PABPC4L: variants seen among roughly 807,000 people sequenced by gnomAD.
PABPC4L encodes the protein polyadenylate-binding protein 4-like.
For synonymous variants in PABPC4L, 169 were observed against 164.1 expected (o/e 1.03, Z -0.23); for missense variants, 452 against 451.4 (o/e 1.00, Z -0.01).
At chr4:134,186,769 G>A in the PABPC4L span, among the ~76,000 whole-genome samples, 2 of 152,042 alleles carry the variant, frequency 1.3e-5, no homozygotes, top group Admixed American at 1.3e-4. Context: ...TACAGAATGG[G>A]AAAAAATTTT....
chr4:133,950,146 G>A, the PABPC4L span, among the ~76,000 whole-genome samples: 3 of 152,120 alleles, frequency 2.0e-5, no homozygotes, highest in African/African-American at 7.2e-5. Context: ...GCATCCTCGA[G>A]TTTAACTGGC....
the PABPC4L span, among the ~76,000 whole-genome samples, chr4:134,136,762 T>A: frequency 6.6e-6 from 1 of 152,092 alleles, no homozygotes. Flanking sequence ...TGACAGTGAT[T>A]AGATTTTTAG....
the PABPC4L span, among the ~76,000 whole-genome samples, chr4:134,001,013 C>T: frequency 2.0e-5 from 3 of 151,950 alleles, no homozygotes; most frequent in Admixed American, 6.6e-5. Flanking sequence ...CCAATTTGTT[C>T]TATTACTTTG....
At chr4:134,149,474 G>A in the PABPC4L span, among the ~76,000 whole-genome samples, 1 of 152,080 alleles carries the variant, frequency 6.6e-6, no homozygotes. Context: ...TTTACTAATC[G>A]TTGCCCATTG....
the PABPC4L span, among the ~76,000 whole-genome samples, chr4:134,041,598 G>A: frequency 6.6e-6 from 1 of 151,936 alleles, no homozygotes; most frequent in Non-Finnish European, 1.5e-5. Flanking sequence ...GCTGGGGAAG[G>A]GATAGCATTA....
At chr4:134,142,999 T>G in the PABPC4L span, among the ~76,000 whole-genome samples, 1 of 151,584 alleles carries the variant, frequency 6.6e-6, no homozygotes, top group Non-Finnish European at 1.5e-5. Flanking sequence ...CAATTTGACA[T>G]AATTTTTTGG....
At chr4:134,159,370 G>C in the PABPC4L span, among the ~76,000 whole-genome samples, 1 of 152,086 alleles carries the variant, frequency 6.6e-6, no homozygotes, top group Non-Finnish European at 1.5e-5. Context: ...ATAGTACCCG[G>C]CTGTAACAGA....
chr4:134,131,931 T>C, the PABPC4L span, among the ~76,000 whole-genome samples: 1 of 151,930 alleles, frequency 6.6e-6, no homozygotes, highest in African/African-American at 2.4e-5. Context: ...AGCTAACTCA[T>C]CTTCAACAAA....
chr4:134,112,490 T>A, the PABPC4L span, among the ~76,000 whole-genome samples: 1 of 151,958 alleles, frequency 6.6e-6, no homozygotes, highest in Non-Finnish European at 1.5e-5. Context: ...ACTCAACTTA[T>A]AATAATCCTT....
At chr4:133,955,093 G>GA in the PABPC4L span, among the ~76,000 whole-genome samples, 1 of 151,924 alleles carries the variant, frequency 6.6e-6, no homozygotes, top group Admixed American at 6.6e-5. Flanking sequence ...AGAAACATGA[G>GA]AAAAATTGAT....
At chr4:134,107,937 C>T in the PABPC4L span, among the ~76,000 whole-genome samples, 1 of 151,384 alleles carries the variant, frequency 6.6e-6, no homozygotes, top group South Asian at 2.1e-4. Flanking sequence ...TTTTTGAACT[C>T]ACACTTTTAC....
chr4:134,031,481 T>TTGAA, the PABPC4L span, among the ~76,000 whole-genome samples: 2 of 151,996 alleles, frequency 1.3e-5, no homozygotes, highest in Admixed American at 6.6e-5. Flanking sequence ...AATAGACACA[T>TTGAA]TTTTCTTTGA....
the PABPC4L span, among the ~76,000 whole-genome samples, chr4:134,026,077 C>T: frequency 6.6e-6 from 1 of 151,942 alleles, no homozygotes; most frequent in Non-Finnish European, 1.5e-5. Flanking sequence ...GTAGAAAGAA[C>T]AGATCTTTTG....
the PABPC4L span, among the ~76,000 whole-genome samples, chr4:134,158,583 T>C: frequency 7.9e-5 from 12 of 152,138 alleles, no homozygotes; most frequent in Non-Finnish European, 1.3e-4. Context: ...ATAAAAAGGC[T>C]GAATATCAGT....
the PABPC4L span, among the ~76,000 whole-genome samples, chr4:134,188,886 C>A: frequency 6.6e-6 from 1 of 151,856 alleles, no homozygotes; most frequent in Non-Finnish European, 1.5e-5. Context: ...TCAGGTATTT[C>A]TTTTGTTTCA....
the PABPC4L span, among the ~76,000 whole-genome samples, chr4:134,139,698 C>T: frequency 6.7e-6 from 1 of 148,738 alleles, no homozygotes; most frequent in East Asian, 2.0e-4. Context: ...TATTTTTTTA[C>T]TTTTTTTTTT....
chr4:134,194,820 A>G (rs970593446), downstream of PABPC4L, among the ~76,000 whole-genome samples: 1 of 151,766 alleles, frequency 6.6e-6, no homozygotes, highest in Non-Finnish European at 1.5e-5. Context: ...ATAGTAGCAC[A>G]AGAAAAGTTT....
At chr4:134,036,083 G>A in the PABPC4L span, among the ~76,000 whole-genome samples, 1 of 151,818 alleles carries the variant, frequency 6.6e-6, no homozygotes. Flanking sequence ...GGTTTGGGTG[G>A]GGACACAAAA....
At position 134,200,092 on chromosome 4, in the gene PABPC4L, G is replaced by T; in HGVS notation, c.928C>A (p.Arg310=). 6.4e-7 allele frequency: 1 copy of T among 1,551,594 alleles called. No homozygotes were observed. Among genetic ancestry groups the T allele is most frequent in the Non-Finnish European group, 8.7e-7 (1 of 1,146,956 alleles). The change falls in exon 2 of 2, where the codon CGA becomes AGA. Residue 310 remains arginine, a synonymous_variant. Coordinates refer to ENST00000421491, the MANE Select transcript of PABPC4L (RefSeq NM_001114734.2). ...GATCCAAATGAAGAAAATTCGTTTC[G>T]TAGTTTTTCATCATCGATGGTGTCA... ...LDDTIDDEKL[R]NEFSSFGSIS...
Sources: gnomAD v4.1 joint callset for allele counts (sites outside exome capture counted in the v4.1 genomes callset) on GRCh38, gnomAD v4.1.1 for gene constraint, MANE v1.5 for transcripts, NCBI Gene and HGNC (gene_info 2026-07-23, HGNC 2026-07-21) for gene names.